The following DNAI4 variants were observed in gnomAD, a reference collection of about 807,000 sequenced individuals.
DNAI4 encodes the protein WD repeat domain 78.
DNAI4 carries 85 observed loss-of-function variants against 105.8 expected under a neutral mutation model. The ratio of observed to expected loss-of-function variants is 0.80; its 90% confidence interval spans 0.67 to 0.96. The LOEUF (loss-of-function observed/expected upper bound fraction) is 0.96. Among genes scored for constraint, DNAI4 ranks in the 40% least tolerant of loss-of-function variants. The probability of loss-of-function intolerance (pLI) is 0.00; values close to 1 mark genes in which losing one functional copy is unlikely to be tolerated. For synonymous variants in DNAI4, 352 were observed against 331.5 expected (o/e 1.06, Z -0.67); for missense variants, 1,014 against 1,005.6 (o/e 1.01, Z -0.11).
rs374406553 is a variant in DNAI4, at chr1:66,827,915, A to G, written c.2014-5T>C. The G allele has an allele frequency of 6.4e-7, 1 of 1,562,674 alleles. No homozygotes were observed. The highest frequency in any genetic ancestry group is 8.8e-7 in the Non-Finnish European group (1 of 1,141,934). On this transcript the variant is annotated splice_polypyrimidine_tract_variant and splice_region_variant and intron_variant, in intron 13 of 16. Transcript: ENST00000371026. ...AGCCAAATAGATATTTGTGTCCTACAACACAAAACATCGAAATGCATTGGC... is the reference window on the plus strand; with the variant it reads ...AGCCAAATAGATATTTGTGTCCTACGACACAAAACATCGAAATGCATTGGC...
chr1:66,835,683 C>T lies in DNAI4; in HGVS notation c.1676G>A (p.Gly559Asp). The change falls in exon 11 of 17, where the codon GGC (glycine) becomes GAC (aspartate). Residue 559 changes from glycine (G) to aspartate (D), a missense_variant. By Grantham distance (94) the Gly-to-Asp change is moderately conservative. Coordinates refer to ENST00000371026, the MANE Select transcript of DNAI4 (RefSeq NM_024763.5). ...PNLLAVGYHN[G>D]TIAIYNVRSN... ...CCGTACATTGTAAATTGCAATTGTG[C>T]CATTGTGATAGCCAACGGCTAAAAG... 2 of 1,614,014 alleles carry T rather than the reference C, an allele frequency of 1.2e-6. No individual in the cohort carries two copies. Among genetic ancestry groups the T allele is most frequent in the Non-Finnish European group, 1.7e-6 (2 of 1,179,972 alleles).
intron 4 of DNAI4, among the ~76,000 whole-genome samples, chr1:66,879,123 T>C (rs1260772957): frequency 2.0e-5 from 3 of 152,174 alleles, no homozygotes; most frequent in Admixed American, 6.5e-5. Flanking sequence ...TCCACCATTA[T>C]AGTATCTATA....
chr1:66,891,580 G>T (rs1217536698), intron 3 of DNAI4, among the ~76,000 whole-genome samples: 3 of 152,182 alleles, frequency 2.0e-5, no homozygotes, highest in Non-Finnish European at 4.4e-5. Context: ...TCCTGCCTCA[G>T]CCTCCTGAGT....
chr1:66,834,281 A>C, intron 11 of DNAI4, 133 bp from the exon 12 acceptor site: 1 of 625,640 alleles, frequency 1.6e-6, no homozygotes, highest in South Asian at 4.4e-5. Context: ...GTTCAAAAAT[A>C]GACTTTTATT....
In DNAI4 at chr1:66,893,045, AAGAAAGAAAGAGAGAGAG is replaced by A. The variant is rs1379835081; in HGVS notation, c.530+166_530+183del. Among the ~76,000 whole-genome samples, 101 of 124,792 alleles carry A rather than the reference AAGAAAGAAAGAGAGAGAG, an allele frequency of 8.1e-4. 5 individuals are homozygous for A. The highest frequency in any genetic ancestry group is 3.5e-3 in the African/African-American group (98 of 28,400). The allele number at this position is 124,792 out of a possible 152,430, so 81.9% of individuals were successfully genotyped here. A position where few individuals can be genotyped will look rare whatever the true frequency, so the allele number is the denominator to read the frequency against. On this transcript the variant is annotated intron_variant, in intron 3 of 16. Transcript: ENST00000371026. ...AAGAAAGAAAGAGAGGAAAGAAAGAAAGAAAGAAAGAGAGAGAGAGAAAGAAAGAAAGAAAGAAAGAAA... is the reference window on the plus strand; with the variant it reads ...AAGAAAGAAAGAGAGGAAAGAAAGAAAGAAAGAAAGAAAGAAAGAAAGAAA...
intron 3 of DNAI4, 117 bp downstream of exon 3, chr1:66,893,112 A>AG (rs1553227747): frequency 2.0e-6 from 1 of 500,678 alleles, no homozygotes; most frequent in African/African-American, 2.0e-5. Context: ...AAAGAAAGAA[A>AG]GAAAGAAAGA....
At chr1:66,868,081 A>G (rs1250905091) in intron 6 of DNAI4, among the ~76,000 whole-genome samples, 2 of 152,178 alleles carry the variant, frequency 1.3e-5, no homozygotes, top group African/African-American at 2.4e-5. Context: ...TATAAATATG[A>G]TTTTGTAATG....
chr1:66,874,728 T>C (rs1053762798), intron 5 of DNAI4, 53 bp downstream of exon 5: 88 of 1,558,682 alleles, frequency 5.6e-5, no homozygotes, highest in Non-Finnish European at 7.2e-5. Flanking sequence ...ATAAGAACCC[T>C]TGGCTTAGCA....
intron 2 of DNAI4, among the ~76,000 whole-genome samples, chr1:66,895,110 A>G (rs184952103): frequency 6.6e-6 from 1 of 152,296 alleles, no homozygotes; most frequent in Non-Finnish European, 1.5e-5. Flanking sequence ...ATATTGGTAT[A>G]TGCATCTTTT....
At chr1:66,885,156 TTC>T (rs1180435054) in intron 4 of DNAI4, among the ~76,000 whole-genome samples, 9 of 152,248 alleles carry the variant, frequency 5.9e-5, no homozygotes, top group African/African-American at 2.2e-4. Context: ...CCAGCTATCT[TTC>T]TGTTATGATT....
chr1:66,892,727 G>A (rs575634305), intron 3 of DNAI4, among the ~76,000 whole-genome samples: 51 of 151,938 alleles, frequency 3.4e-4, no homozygotes, highest in African/African-American at 1.2e-3. Flanking sequence ...CTAACATGGT[G>A]ACACCCCGTC....
chr1:66,853,715 G>A (rs1297833791), intron 7 of DNAI4, among the ~76,000 whole-genome samples: 1 of 152,144 alleles, frequency 6.6e-6, no homozygotes, highest in East Asian at 1.9e-4. Flanking sequence ...AGACAAGGAT[G>A]TCCCTCAACT....
chr1:66,916,375 T>A (rs1251444753), intron 1 of DNAI4, among the ~76,000 whole-genome samples: 1 of 152,206 alleles, frequency 6.6e-6, no homozygotes, highest in Non-Finnish European at 1.5e-5. Context: ...CTTGTGACAT[T>A]AAGTTACAGG....
intron 8 of DNAI4, among the ~76,000 whole-genome samples, chr1:66,843,199 C>CAAA (rs33928281): frequency 3.4e-5 from 3 of 87,252 alleles, no homozygotes; most frequent in African/African-American, 9.4e-5. Flanking sequence ...GACTCTGTCT[C>CAAA]AAAAAAAAAA....
chr1:66,840,030 T>A (rs542378278), intron 9 of DNAI4, among the ~76,000 whole-genome samples: 41 of 152,310 alleles, frequency 2.7e-4, no homozygotes, highest in African/African-American at 9.6e-4. Flanking sequence ...TTTTAAAGAA[T>A]CTCAAAATTA....
intron 7 of DNAI4, among the ~76,000 whole-genome samples, chr1:66,853,768 C>T (rs575309974): frequency 4.6e-5 from 7 of 152,236 alleles, no homozygotes; most frequent in South Asian, 2.1e-4. Context: ...AACATTATAC[C>T]TCATGCAGAA....
chr1:66,892,958 A>AG (rs746285726), intron 3 of DNAI4, among the ~76,000 whole-genome samples: 10 of 112,054 alleles, frequency 8.9e-5, no homozygotes, highest in African/African-American at 2.5e-4. Flanking sequence ...GAGAAGAAAG[A>AG]AAGAAAGAAA....
chr1:66,889,582 A>C (rs774379796), intron 4 of DNAI4, among the ~76,000 whole-genome samples: 15 of 152,280 alleles, frequency 9.9e-5, no homozygotes, highest in Non-Finnish European at 7.4e-5. Flanking sequence ...CATTCCTGTT[A>C]CATCCCCCAA....
At chr1:66,837,621 C>A in intron 10 of DNAI4, 89 bp downstream of exon 10, 1 of 1,359,588 alleles carries the variant, frequency 7.4e-7, no homozygotes, top group South Asian at 1.4e-5. Flanking sequence ...ATTTTCTAGA[C>A]TTTATTTAAT....
Sources: gnomAD v4.1 joint callset for allele counts (sites outside exome capture counted in the v4.1 genomes callset) on GRCh38, gnomAD v4.1.1 for gene constraint, MANE v1.5 for transcripts, NCBI Gene and HGNC (gene_info 2026-07-23, HGNC 2026-07-21) for gene names.